Variants in TRDMT1 observed in about 807,000 individuals in gnomAD.
TRDMT1 encodes the protein tRNA (cytosine(38)-C(5))-methyltransferase.
In TRDMT1, 49 loss-of-function variants were observed where a neutral mutation model predicts 51.2. The observed-to-expected ratio is 0.96, with a 90% CI of 0.76 to 1.21. TRDMT1 has a LOEUF of 1.21. Among genes scored for constraint, TRDMT1 ranks in the 50% most tolerant of loss-of-function variants. The pLI is 0.00. For synonymous variants in TRDMT1, 187 were observed against 164.6 expected, an observed-to-expected ratio of 1.14 and a Z score of -1.04; for missense variants, 534 against 462.3, an observed-to-expected ratio of 1.16 and a Z score of -1.42.
Position 17,160,315 on chromosome 10 carries a change from G to C in TRDMT1, c.449C>G (p.Ser150Cys), listed in dbSNP as rs1163211201. Residue 150 changes from serine to cysteine, a missense_variant, in exon 6 of 11, where the codon TCT (serine) becomes TGT (cysteine). Physicochemically the swap from Ser to Cys is moderately radical, Grantham distance 112 (BLOSUM62 -1). Transcript: ENST00000377799. ...CGFQYQEFLL[S>C]PTSLGIPNSR... ...AACTGTGATACCTACAGAGGTTGGA[G>C]ATAATAGAAACTCTTGGTACTGAAA... 5 of 1,559,754 alleles carry C rather than the reference G, an allele frequency of 3.2e-6. No individual in the cohort carries two copies. In the East Asian group the frequency reaches 6.8e-5, roughly 21 times the overall value.
rs71377021 is a variant in TRDMT1, at chr10:17,145,277, C to CAAAACAAACAA, written c.*3762_*3763insTTGTTTGTTTT. The stretch of plus-strand genomic sequence containing the variant: ...CAAAACAAAACAAAACAAAACAAAA[C>CAAAACAAACAA]AAAAAAAACAGCAAAGGGAAACTCT... On this transcript the variant is annotated 3_prime_UTR_variant, in exon 11 of 11. Coordinates refer to ENST00000377799, the MANE Select transcript of TRDMT1 (RefSeq NM_004412.7). 1.2e-6 allele frequency: 1 copy of CAAAACAAACAA among 868,724 alleles called. No homozygotes were observed. The highest frequency in any genetic ancestry group is 5.3e-5 in the South Asian group (1 of 18,694). 53.8% of individuals were successfully genotyped at this position (868,724 alleles called of 1,614,324 possible).
intron 4 of TRDMT1, 144 bp from the exon 5 acceptor site, chr10:17,161,692 T>C (rs973416933): frequency 2.0e-6 from 1 of 490,194 alleles, no homozygotes; most frequent in Non-Finnish European, 3.4e-6. Flanking sequence ...GGAGACAACA[T>C]ATATTTTATT....
At chr10:17,190,271 T>G (rs567153152) in intron 1 of TRDMT1, among the ~76,000 whole-genome samples, 1 of 152,124 alleles carries the variant, frequency 6.6e-6, no homozygotes, top group Non-Finnish European at 1.5e-5. Flanking sequence ...CAACAGAGAT[T>G]CTAAAAAGGT....
At chr10:17,180,731 G>A (rs909445810) in intron 1 of TRDMT1, among the ~76,000 whole-genome samples, 4 of 152,140 alleles carry the variant, frequency 2.6e-5, no homozygotes, top group Admixed American at 2.0e-4. Context: ...TTTTTTTCAT[G>A]ATAATCAATC....
rs1226940843 is a variant in TRDMT1, at chr10:17,139,440, A to C, written c.*9600T>G. On this transcript the variant is annotated 3_prime_UTR_variant, in exon 11 of 11. Transcript: ENST00000377799. ...TCTTTGTGATGATATTTTGTGTTCT[A>C]TTAGGGGAGGAGAGCAAGAGAGGTG... Among the ~76,000 whole-genome samples the C allele has an allele frequency of 6.6e-6, 1 of 152,166 alleles. No homozygotes were observed. Among genetic ancestry groups the C allele is most frequent in the African/African-American group, 2.4e-5 (1 of 41,442 alleles).
intron 10 of TRDMT1, 31 bp downstream of exon 10, chr10:17,153,476 G>A (rs1839058410): frequency 1.9e-6 from 3 of 1,610,376 alleles, no homozygotes; most frequent in Non-Finnish European, 2.5e-6. Flanking sequence ...TTTAATACAT[G>A]AAAGCTGAAT....
chr10:17,151,855 A>G, intron 10 of TRDMT1: 1 of 976,046 alleles, frequency 1.0e-6, no homozygotes, highest in Non-Finnish European at 1.3e-6. Context: ...AACTCTATGA[A>G]GCAGGAGTTA....
chr10:17,150,664 G>C, intron 10 of TRDMT1: 2 of 984,954 alleles, frequency 2.0e-6, no homozygotes, highest in Non-Finnish European at 2.4e-6. Context: ...ATTAAGAATA[G>C]CAAAATTTCA....
intron 1 of TRDMT1, among the ~76,000 whole-genome samples, chr10:17,186,405 G>A (rs1027181304): frequency 6.6e-6 from 1 of 152,138 alleles, no homozygotes; most frequent in Admixed American, 6.6e-5. Context: ...AATCAGAGAA[G>A]GGGATTTGGA....
At chr10:17,179,966 T>C (rs902103313) in intron 1 of TRDMT1, among the ~76,000 whole-genome samples, 1 of 152,164 alleles carries the variant, frequency 6.6e-6, no homozygotes, top group Non-Finnish European at 1.5e-5. Context: ...TGGAGGAGGA[T>C]AGTCCCACTA....
chr10:17,151,059 AG>A, intron 10 of TRDMT1: 1 of 936,902 alleles, frequency 1.1e-6, no homozygotes, highest in African/African-American at 1.8e-5. Flanking sequence ...CTAAATTATT[AG>A]GTTGGTGCAA....
Position 17,147,889 on chromosome 10 carries a change from T to C in TRDMT1, c.*1151A>G, listed in dbSNP as rs1017200023. On this transcript the variant is annotated 3_prime_UTR_variant, in exon 11 of 11. Coordinates refer to ENST00000377799, the MANE Select transcript of TRDMT1 (RefSeq NM_004412.7). ...TGTTGAATTTTGTGACGAACCTCCA[T>C]AGCGTTTTCCAACAGCAGCTGAACC... is the stretch of plus-strand genomic sequence containing the variant. The C allele has an allele frequency of 2.3e-5, 15 of 643,916 alleles. No homozygotes were observed. In the Admixed American group the frequency reaches 2.5e-4, roughly 11 times the overall value. The allele number at this position is 643,916 out of a possible 1,614,324, so 39.9% of individuals were successfully genotyped here.
chr10:17,181,875 G>A (rs1843321883), intron 1 of TRDMT1, among the ~76,000 whole-genome samples: 1 of 152,096 alleles, frequency 6.6e-6, no homozygotes, highest in South Asian at 2.1e-4. Context: ...ACCAGCATCT[G>A]GCCCCTCCTT....
At chr10:17,172,313 A>G (rs1842132922) in intron 2 of TRDMT1, among the ~76,000 whole-genome samples, 2 of 152,172 alleles carry the variant, frequency 1.3e-5, no homozygotes, top group Admixed American at 6.5e-5. Context: ...GAAAGTATTA[A>G]AAGAAAACAA....
At chr10:17,166,564 T>G (rs1841242390) in intron 3 of TRDMT1, among the ~76,000 whole-genome samples, 1 of 152,182 alleles carries the variant, frequency 6.6e-6, no homozygotes. Context: ...CTTAAATAAG[T>G]TAGCTGGCAT....
chr10:17,190,027 G>C (rs920736330), intron 1 of TRDMT1, among the ~76,000 whole-genome samples: 4 of 152,222 alleles, frequency 2.6e-5, no homozygotes, highest in Non-Finnish European at 5.9e-5. Flanking sequence ...GGTTTGGCTA[G>C]GTTTGTGTTG....
At chr10:17,184,499 C>A (rs1038021331) in intron 1 of TRDMT1, among the ~76,000 whole-genome samples, 4 of 151,438 alleles carry the variant, frequency 2.6e-5, no homozygotes, top group Non-Finnish European at 4.4e-5. Context: ...TAAGAAAATC[C>A]TCTCTAAATT....
intron 1 of TRDMT1, among the ~76,000 whole-genome samples, chr10:17,198,453 G>T (rs1010541403): frequency 6.6e-6 from 1 of 152,216 alleles, no homozygotes; most frequent in Admixed American, 6.5e-5. Context: ...CTATACAATG[G>T]AATATTATTC....
chr10:17,192,613 A>G (rs7092399), intron 1 of TRDMT1, among the ~76,000 whole-genome samples: 19,723 of 152,170 alleles, frequency 0.13, 1,364 homozygotes, highest in Non-Finnish European at 0.15. Context: ...AGGGTGGGCG[A>G]GGGGCAGGAG....
Sources: gnomAD v4.1 joint callset for allele counts (sites outside exome capture counted in the v4.1 genomes callset) on GRCh38, gnomAD v4.1.1 for gene constraint, MANE v1.5 for transcripts, NCBI Gene and HGNC (gene_info 2026-07-23, HGNC 2026-07-21) for gene names.